The following IL4R variants were observed in gnomAD, a reference collection of about 807,000 sequenced individuals.
IL4R encodes the protein interleukin-4 receptor subunit alpha.
In IL4R, 17 loss-of-function variants were observed where a neutral mutation model predicts 41.5. The observed-to-expected ratio is 0.41, with a 90% CI of 0.28 to 0.61. The LOEUF (loss-of-function observed/expected upper bound fraction) is 0.61, where lower values mean the gene tolerates loss of function less well. IL4R is among the 20% of genes least tolerant of loss of function. The probability of loss-of-function intolerance (pLI) is 0.31; values close to 1 mark genes in which losing one functional copy is unlikely to be tolerated. For missense variants in IL4R, 974 were observed against 1,043.1 expected (o/e 0.93, Z 0.91); for synonymous variants, 402 against 422.9 (o/e 0.95, Z 0.61).
intron 7 of IL4R, among the ~76,000 whole-genome samples, chr16:27,353,821 G>A (rs927544822): frequency 5.9e-5 from 9 of 152,118 alleles, no homozygotes; most frequent in Admixed American, 1.3e-4. Flanking sequence ...CTTAATGGAA[G>A]GAGATGCTAG....
chr16:27,313,903 C>A (rs980099380), upstream of IL4R: 2 of 984,516 alleles, frequency 2.0e-6, no homozygotes, highest in African/African-American at 3.5e-5. Flanking sequence ...GAAGCCGGGG[C>A]GGGCTGGGTC....
chr16:27,342,903 G>A (rs562330418), intron 4 of IL4R, among the ~76,000 whole-genome samples: 4 of 152,290 alleles, frequency 2.6e-5, no homozygotes, highest in East Asian at 1.9e-4. Context: ...TCCACTGTAC[G>A]CCAGTGAGAG....
chr16:27,346,402 G>T, intron 5 of IL4R, 65 bp from the exon 6 acceptor site: 2 of 1,575,906 alleles, frequency 1.3e-6, no homozygotes, highest in Non-Finnish European at 1.7e-6. Context: ...TTGTAGGCCG[G>T]GGCTGGGCTG....
rs1328371201 is a variant in IL4R at position 27,346,585 on chromosome 16, A to G, written c.480A>G (p.Ala160=). 6.2e-7 allele frequency: 1 copy of G among 1,614,160 alleles called. No homozygotes were observed. Among genetic ancestry groups the G allele is most frequent in the Non-Finnish European group, 8.5e-7 (1 of 1,180,016 alleles). The change falls in exon 6 of 11, where the codon GCA becomes GCG. Residue 160 remains alanine, a synonymous_variant. Transcript: ENST00000395762. Reference sequence around the variant, plus strand: ...ACCTGTATAATCATCTCACCTATGCAGTCAACATTTGGAGTGAAAACGACC... The same window carrying G: ...ACCTGTATAATCATCTCACCTATGCGGTCAACATTTGGAGTGAAAACGACC... The part of the protein sequence containing the change: ...DNYLYNHLTY[A]VNIWSENDPA...
intron 2 of IL4R, among the ~76,000 whole-genome samples, chr16:27,334,923 C>T (rs1298584243): frequency 4.6e-5 from 7 of 152,016 alleles, no homozygotes; most frequent in Non-Finnish European, 2.9e-5. Context: ...TGCCAGGCAC[C>T]GTTGTAGATA....
rs753018614 is a variant in IL4R at position 27,363,766 on chromosome 16, C to T, written c.2414C>T (p.Ser805Leu). 8 of 1,611,980 alleles carry T rather than the reference C, an allele frequency of 5.0e-6. No homozygotes were observed. The highest frequency in any genetic ancestry group is 6.8e-6 in the Non-Finnish European group (8 of 1,180,026). ...FHPAPGNAQSSSQTPKIVNFV... is the reference protein window; with the variant it reads ...FHPAPGNAQSLSQTPKIVNFV... ...CCTGCCCCTGGCAATGCTCAGAGCT[C>T]AAGCCAGACCCCCAAAATCGTGAAC... The change falls in exon 11 of 11, where the codon TCA becomes TTA. Residue 805 changes from serine (S) to leucine (L), a missense_variant. Coordinates refer to ENST00000395762, the MANE Select transcript of IL4R (RefSeq NM_000418.4).
At chr16:27,338,320 C>T (rs1337014034) in intron 2 of IL4R, among the ~76,000 whole-genome samples, 2 of 151,804 alleles carry the variant, frequency 1.3e-5, no homozygotes, top group African/African-American at 4.8e-5. Context: ...CAGGCTCAAA[C>T]GATCTTCCCA....
rs1310530968 is a variant in IL4R at position 27,341,138 on chromosome 16, G to A, written c.70+865G>A. ...CAGGAGGTCTGGAGGGAGGTCTGGA[G>A]TGGAGGAGATGAGAGGCTCCGGATC... is the stretch of plus-strand genomic sequence containing the variant. On this transcript the variant is annotated intron_variant, in intron 3 of 10. Coordinates refer to ENST00000395762, the MANE Select transcript of IL4R (RefSeq NM_000418.4). The A allele has an allele frequency of 8.7e-6, 6 of 692,216 alleles. No individual in the cohort carries two copies. The East Asian group carries it at 1.6e-4, about 19-fold the overall frequency. 42.9% of individuals were successfully genotyped at this position (692,216 alleles called of 1,614,324 possible).
At chr16:27,325,397 C>T (rs2084929934) in intron 1 of IL4R, among the ~76,000 whole-genome samples, 1 of 152,128 alleles carries the variant, frequency 6.6e-6, no homozygotes. Flanking sequence ...CATGGCAAAA[C>T]CCTGTGTCTG....
chr16:27,353,720 AC>A (rs2085956857), intron 7 of IL4R, among the ~76,000 whole-genome samples: 1 of 152,032 alleles, frequency 6.6e-6, no homozygotes, highest in Non-Finnish European at 1.5e-5. Flanking sequence ...GCTGCTTTTG[AC>A]CTCCTGGGCT....
chr16:27,362,912 C>A lies in IL4R; in HGVS notation c.1560C>A (p.Ala520=). 6.2e-7 allele frequency: 1 copy of A among 1,614,174 alleles called. No homozygotes were observed. The highest frequency in any genetic ancestry group is 8.5e-7 in the Non-Finnish European group (1 of 1,180,048). ...AGCTGGGTCCAGACCCACTGCTGGC[C>A]AGACACCTGGAGGAAGTAGAACCCG... ...PRELGPDPLL[A]RHLEEVEPEM... The change falls in exon 11 of 11, where the codon GCC becomes GCA. Residue 520 remains alanine (A), a synonymous_variant. Coordinates refer to ENST00000395762, the MANE Select transcript of IL4R (RefSeq NM_000418.4).
At chr16:27,321,990 T>C (rs560665798) in intron 1 of IL4R, among the ~76,000 whole-genome samples, 8 of 152,288 alleles carry the variant, frequency 5.3e-5, no homozygotes, top group Non-Finnish European at 8.8e-5. Flanking sequence ...GTCATTTTTT[T>C]CCTCTTGTGT....
chr16:27,326,613 C>T (rs2084960421), intron 1 of IL4R, among the ~76,000 whole-genome samples: 1 of 152,138 alleles, frequency 6.6e-6, no homozygotes, highest in Non-Finnish European at 1.5e-5. Context: ...CTGCACTGAG[C>T]CGTGACGGTG....
intron 2 of IL4R, among the ~76,000 whole-genome samples, chr16:27,331,983 T>C (rs1440911375): frequency 6.6e-6 from 1 of 151,980 alleles, no homozygotes; most frequent in Non-Finnish European, 1.5e-5. Context: ...AAAAATTTTA[T>C]TTTTTATTTT....
At chr16:27,343,551 C>T (rs1198717755) in intron 4 of IL4R, among the ~76,000 whole-genome samples, 7 of 152,056 alleles carry the variant, frequency 4.6e-5, no homozygotes, top group South Asian at 2.1e-4. Context: ...CTCAGCCTCC[C>T]GAGTAGTTGG....
chr16:27,351,601 G>A (rs1485000093), intron 6 of IL4R, among the ~76,000 whole-genome samples: 2 of 146,388 alleles, frequency 1.4e-5, no homozygotes, highest in Non-Finnish European at 3.0e-5. Context: ...CACAATCTCT[G>A]CCTCCCAGGT....
In IL4R at chr16:27,362,584, TC is replaced by T; in HGVS notation, c.1234del (p.Leu412TrpfsTer71). On this transcript the variant is annotated frameshift_variant, in exon 11 of 11. Transcript: ENST00000395762. LOFTEE classifies it low-confidence loss of function (END_TRUNC). Reference protein sequence around the residue: ...GIVARLTESLFLDLLGEENGG... With the variant: ...GIVARLTESLXLDLLGEENGG... Reference sequence around the variant, plus strand: ...GTGGCCCGGCTAACAGAGAGCCTGTTCCTGGACCTGCTCGGAGAGGAGAATG... The same window carrying T: ...GTGGCCCGGCTAACAGAGAGCCTGTTCTGGACCTGCTCGGAGAGGAGAATG... The T allele has an allele frequency of 1.2e-6, 2 of 1,614,180 alleles. No individual in the cohort carries two copies. The highest frequency in any genetic ancestry group is 1.7e-6 in the Non-Finnish European group (2 of 1,180,026).
intron 1 of IL4R, among the ~76,000 whole-genome samples, chr16:27,324,402 G>C (rs1449255894): frequency 6.6e-6 from 1 of 152,160 alleles, no homozygotes; most frequent in African/African-American, 2.4e-5. Context: ...CTCACAGCCA[G>C]GGGAATTCAT....
chr16:27,350,396 T>G (rs2085822370), intron 6 of IL4R, among the ~76,000 whole-genome samples: 1 of 152,084 alleles, frequency 6.6e-6, no homozygotes, highest in South Asian at 2.1e-4. Context: ...CCCTCTGTAA[T>G]AGGAAAATCT....
Sources: gnomAD v4.1 joint callset for allele counts (sites outside exome capture counted in the v4.1 genomes callset) on GRCh38, gnomAD v4.1.1 for gene constraint, MANE v1.5 for transcripts, NCBI Gene and HGNC (gene_info 2026-07-23, HGNC 2026-07-21) for gene names.